The following EXT2 variants were observed in gnomAD, a reference collection of about 807,000 sequenced individuals.
EXT2 encodes exostosin glycosyltransferase 2, also known as exostosin-2.
EXT2 carries 53 observed loss-of-function variants against 81.6 expected under a neutral mutation model. That is an observed-to-expected ratio of 0.65 (90% CI 0.52 to 0.82). The LOEUF (loss-of-function observed/expected upper bound fraction) is 0.82, where lower values mean the gene tolerates loss of function less well. Ranked by LOEUF, EXT2 falls within the 40% of genes least tolerant of loss-of-function variation. The pLI is 0.00. For missense variants in EXT2, 774 were observed against 910.2 expected (o/e 0.85, Z 1.93); for synonymous variants, 320 against 340.0 (o/e 0.94, Z 0.65).
chr11:44,163,637 C>T (rs1453363209), intron 7 of EXT2, among the ~76,000 whole-genome samples: 1 of 152,208 alleles, frequency 6.6e-6, no homozygotes, highest in East Asian at 1.9e-4. Flanking sequence ...AAAATAAATC[C>T]GTGATGCATG....
chr11:44,119,131 T>C (rs1251703117), intron 4 of EXT2, among the ~76,000 whole-genome samples: 1 of 24,310 alleles, frequency 4.1e-5, no homozygotes, highest in African/African-American at 1.5e-4. Context: ...TATTTATATA[T>C]ATATATATAT....
Position 44,236,368 on chromosome 11 carries a change from G to A in EXT2, c.2011G>A (p.Val671Met), listed in dbSNP as rs1330306691. 2 of 1,613,940 alleles carry A rather than the reference G, an allele frequency of 1.2e-6. No homozygotes were observed. Among genetic ancestry groups the A allele is most frequent in the Non-Finnish European group, 1.7e-6 (2 of 1,179,990 alleles). Reference protein sequence around the residue: ...DGLSLDQTHMVERSECINKFA... With the variant: ...DGLSLDQTHMMERSECINKFA... ...GCTTTCACTAGACCAAACACACATG[G>A]TGGAGAGGTAAGTGAGCCTCCAACC... The change falls in exon 13 of 14, where the codon GTG (valine) becomes ATG (methionine). Residue 671 changes from valine (V) to methionine (M), a missense_variant. By Grantham distance (21) the Val-to-Met change is conservative. This residue lies in a region of EXT2 where 148 missense variants were observed against 239.7 expected (regional missense o/e 0.62). Coordinates refer to ENST00000533608, the MANE Select transcript of EXT2 (RefSeq NM_207122.2).
chr11:44,186,084 A>G (rs1040700121), intron 8 of EXT2, among the ~76,000 whole-genome samples: 1 of 152,254 alleles, frequency 6.6e-6, no homozygotes, highest in Non-Finnish European at 1.5e-5. Context: ...TTTTCAGTGT[A>G]TTTATGAAGT....
chr11:44,138,862 T>A (rs926652110), intron 7 of EXT2, among the ~76,000 whole-genome samples: 4 of 152,148 alleles, frequency 2.6e-5, no homozygotes, highest in Non-Finnish European at 5.9e-5. Context: ...ATGAGATGAT[T>A]GACTCAAAGC....
At chr11:44,096,945 T>C (rs546331873) in intron 1 of EXT2, among the ~76,000 whole-genome samples, 1 of 152,346 alleles carries the variant, frequency 6.6e-6, no homozygotes, top group East Asian at 1.9e-4. Context: ...TGTAATAAAA[T>C]AGATGATTCA....
At chr11:44,148,875 T>A (rs1954755850) in intron 7 of EXT2, among the ~76,000 whole-genome samples, 1 of 152,208 alleles carries the variant, frequency 6.6e-6, no homozygotes, top group Admixed American at 6.5e-5. Flanking sequence ...GAATGAACTG[T>A]GAGCATTAAG....
chr11:44,222,764 A>C (rs1381950283), intron 10 of EXT2, among the ~76,000 whole-genome samples: 1 of 152,212 alleles, frequency 6.6e-6, no homozygotes, highest in African/African-American at 2.4e-5. Flanking sequence ...GATCCATAAA[A>C]AAAAAAATTG....
intron 4 of EXT2, chr11:44,116,357 GT>G (rs1954220720): frequency 6.6e-6 from 1 of 152,040 alleles, no homozygotes; most frequent in African/African-American, 2.4e-5. Context: ...TACTTCCTTT[GT>G]TTTTTGGCTG....
intron 4 of EXT2, 34 bp from the exon 5 acceptor site, chr11:44,124,755 C>T: frequency 1.2e-6 from 2 of 1,601,900 alleles, no homozygotes; most frequent in African/African-American, 1.3e-5. Flanking sequence ...ATACCAGCTG[C>T]AATTTTCCAA....
chr11:44,113,507 C>T (rs367593720), intron 3 of EXT2, among the ~76,000 whole-genome samples: 1 of 152,112 alleles, frequency 6.6e-6, no homozygotes, highest in Non-Finnish European at 1.5e-5. Context: ...AGGAGAGTAA[C>T]GGCTAGTACA....
chr11:44,109,530 G>A (rs1565197410), intron 3 of EXT2, among the ~76,000 whole-genome samples: 1 of 152,186 alleles, frequency 6.6e-6, no homozygotes, highest in African/African-American at 2.4e-5. Flanking sequence ...ACTTCTGAGT[G>A]TAACACATCC....
chr11:44,123,634 A>G (rs930050647), intron 4 of EXT2, among the ~76,000 whole-genome samples: 8 of 152,238 alleles, frequency 5.3e-5, no homozygotes, highest in African/African-American at 1.9e-4. Flanking sequence ...TTCCAAATCC[A>G]GAAATCTAAA....
At chr11:44,106,493 G>A (rs1465187308) in intron 1 of EXT2, among the ~76,000 whole-genome samples, 1 of 152,024 alleles carries the variant, frequency 6.6e-6, no homozygotes, top group Non-Finnish European at 1.5e-5. Context: ...CTTTCCTAGT[G>A]GTGTTTTTAC....
intron 7 of EXT2, among the ~76,000 whole-genome samples, chr11:44,130,824 C>T (rs1021846233): frequency 1.2e-4 from 19 of 152,278 alleles, no homozygotes; most frequent in African/African-American, 4.3e-4. Context: ...TCAAAATCAC[C>T]GATGTGGGAG....
intron 9 of EXT2, among the ~76,000 whole-genome samples, chr11:44,201,523 A>T (rs188209996): frequency 1.5e-4 from 23 of 152,318 alleles, no homozygotes; most frequent in African/African-American, 5.5e-4. Flanking sequence ...GTCAGAAATC[A>T]GCACAGATCT....
chr11:44,150,967 T>G (rs1331065254), intron 7 of EXT2, among the ~76,000 whole-genome samples: 2 of 152,134 alleles, frequency 1.3e-5, no homozygotes. Context: ...GGGCAGAAAA[T>G]AGATGCTGAT....
intron 7 of EXT2, among the ~76,000 whole-genome samples, chr11:44,141,767 G>C (rs1297214034): frequency 1.3e-5 from 2 of 152,160 alleles, no homozygotes; most frequent in Non-Finnish European, 2.9e-5. Flanking sequence ...ATTGCTTTAG[G>C]AAATAGCCTC....
rs1956116388 is a variant in EXT2, at chr11:44,248,803, T to C, written c.*4516T>C. On this transcript the variant is annotated 3_prime_UTR_variant, in exon 14 of 14. Coordinates refer to ENST00000533608, the MANE Select transcript of EXT2 (RefSeq NM_207122.2). Reference sequence around the variant, plus strand: ...GGCAACCTTGTGTCATTCTTTCAATTTCCGGCTCACCATTGCTGGCAACAG... The same window carrying C: ...GGCAACCTTGTGTCATTCTTTCAATCTCCGGCTCACCATTGCTGGCAACAG... 1.3e-5 allele frequency among the ~76,000 whole-genome samples: 2 copies of C among 152,116 alleles called. No individual in the cohort carries two copies. Among genetic ancestry groups the C allele is most frequent in the African/African-American group, 4.8e-5 (2 of 41,418 alleles).
chr11:44,223,991 T>C (rs1955811998), intron 10 of EXT2, among the ~76,000 whole-genome samples: 1 of 152,180 alleles, frequency 6.6e-6, no homozygotes. Flanking sequence ...GGGACCCTTG[T>C]GGCTGTGGAA....
Sources: gnomAD v4.1 joint callset for allele counts (sites outside exome capture counted in the v4.1 genomes callset) on GRCh38, gnomAD v4.1.1 for gene constraint, gnomAD v4.1.1 regional missense constraint, MANE v1.5 for transcripts, NCBI Gene and HGNC (gene_info 2026-07-23, HGNC 2026-07-21) for gene names.